NMBR: variants seen among roughly 807,000 people sequenced by gnomAD.
NMBR encodes neuromedin B receptor, also known as neuromedin-B receptor.
Under a neutral mutation model 20.5 loss-of-function variants are expected in NMBR, and 16 were observed. That is an observed-to-expected ratio of 0.78 (90% CI 0.53 to 1.19). The LOEUF (loss-of-function observed/expected upper bound fraction) is 1.19. Among genes scored for constraint, NMBR ranks in the 50% most tolerant of loss-of-function variants. The pLI, the probability that NMBR is intolerant of heterozygous loss-of-function variation, is 0.00. For synonymous variants in NMBR, 212 were observed against 196.6 expected (o/e 1.08, Z -0.65); for missense variants, 582 against 499.1 (o/e 1.17, Z -1.58).
intron 2 of NMBR, among the ~76,000 whole-genome samples, chr6:142,084,753 T>C (rs1777167689): frequency 6.6e-6 from 1 of 152,150 alleles, no homozygotes; most frequent in Non-Finnish European, 1.5e-5. Flanking sequence ...AGAAATAACA[T>C]TCCAAATTTG....
At chr6:142,109,530 A>C (rs565327983) in intron 1 of NMBR, among the ~76,000 whole-genome samples, 114 of 126,516 alleles carry the variant, frequency 9.0e-4, no homozygotes, top group African/African-American at 3.0e-3. Flanking sequence ...GCCAGGCAGG[A>C]GTGCAGTGGC....
chr6:142,098,095 A>C (rs1777494784), intron 1 of NMBR, among the ~76,000 whole-genome samples: 1 of 152,102 alleles, frequency 6.6e-6, no homozygotes, highest in Admixed American at 6.6e-5. Flanking sequence ...TCCAAAGGAC[A>C]GAAGAAAAAA....
intron 1 of NMBR, among the ~76,000 whole-genome samples, chr6:142,094,716 G>A (rs1777409503): frequency 1.3e-5 from 2 of 152,116 alleles, no homozygotes; most frequent in South Asian, 4.1e-4. Context: ...GATGGGGATG[G>A]CATTGAATCT....
intron 1 of NMBR, among the ~76,000 whole-genome samples, chr6:142,102,300 G>T (rs983866544): frequency 4.7e-5 from 7 of 150,220 alleles, no homozygotes; most frequent in Non-Finnish European, 8.9e-5. Context: ...TGAGGCAGGA[G>T]AATGGCATGA....
chr6:142,083,717 G>A (rs902762376), intron 2 of NMBR, among the ~76,000 whole-genome samples: 1 of 152,056 alleles, frequency 6.6e-6, no homozygotes, highest in Non-Finnish European at 1.5e-5. Flanking sequence ...GTGAAGACAT[G>A]CTTGCTTCCC....
At chr6:142,076,177 A>G (rs1286073139) in intron 3 of NMBR, 128 bp from the exon 4 acceptor site, 2 of 675,792 alleles carry the variant, frequency 3.0e-6, no homozygotes, top group African/African-American at 3.7e-5. Flanking sequence ...TAAATTATTT[A>G]TTTTCCTCAC....
intron 1 of NMBR, among the ~76,000 whole-genome samples, chr6:142,122,386 TATATCACCATACC>T (rs959973135): frequency 6.6e-6 from 1 of 151,922 alleles, no homozygotes; most frequent in Non-Finnish European, 1.5e-5. Context: ...TGCAAGATGG[TATATCACCATACC>T]ATATCATCAT....
At chr6:142,124,753 C>G (rs1195828242) in intron 1 of NMBR, among the ~76,000 whole-genome samples, 1 of 151,900 alleles carries the variant, frequency 6.6e-6, no homozygotes, top group Non-Finnish European at 1.5e-5. Flanking sequence ...ATAAGACCTT[C>G]AATTTAACCA....
intron 1 of NMBR, among the ~76,000 whole-genome samples, chr6:142,127,733 C>A (rs1296386009): frequency 6.7e-6 from 1 of 149,782 alleles, no homozygotes; most frequent in East Asian, 2.0e-4. Flanking sequence ...GTATTTTTTT[C>A]TTTTTATTGC....
intron 1 of NMBR, among the ~76,000 whole-genome samples, chr6:142,099,254 C>T (rs191554693): frequency 2.0e-5 from 3 of 152,186 alleles, no homozygotes; most frequent in South Asian, 2.1e-4. Context: ...TGTATTCGTT[C>T]GTTTTCACAC....
intron 2 of NMBR, among the ~76,000 whole-genome samples, chr6:142,082,668 C>T (rs1396101782): frequency 6.6e-6 from 1 of 152,150 alleles, no homozygotes; most frequent in African/African-American, 2.4e-5. Flanking sequence ...AGCATCTTTG[C>T]CACAGGCTTC....
chr6:142,123,477 T>C (rs1454192603), intron 1 of NMBR, among the ~76,000 whole-genome samples: 2 of 151,980 alleles, frequency 1.3e-5, no homozygotes, highest in Non-Finnish European at 2.9e-5. Context: ...TTGGCTCCAA[T>C]TTTGAAAGAA....
Position 142,078,788 on chromosome 6 carries a change from C to G in NMBR, c.538G>C (p.Val180Leu). ...VSVLLAVPEA[V>L]FSEVARISSL... ...CTGATGCGAGCCACTTCTGAAAACA[C>G]CGCTTCGGGAACTGCCAGCAACACG... Residue 180 changes from valine to leucine, a missense_variant, in exon 3 of 4, where the codon GTG (valine) becomes CTG (leucine). Physicochemically the swap from Val to Leu is conservative, Grantham distance 32 (BLOSUM62 1). Coordinates refer to ENST00000258042, the MANE Select transcript of NMBR (RefSeq NM_002511.4). The G allele has an allele frequency of 1.9e-6, 3 of 1,613,934 alleles. No individual in the cohort carries two copies. The highest frequency in any genetic ancestry group is 2.5e-6 in the Non-Finnish European group (3 of 1,179,994).
chr6:142,144,965 G>T (rs942811475), intron 1 of NMBR, among the ~76,000 whole-genome samples: 1 of 147,530 alleles, frequency 6.8e-6, no homozygotes, highest in African/African-American at 2.5e-5. Context: ...CAAGACTGCA[G>T]CGAGCTCTGA....
At chr6:142,134,054 T>C in intron 1 of NMBR, 1 of 665,464 alleles carries the variant, frequency 1.5e-6, no homozygotes, top group Non-Finnish European at 2.8e-6. Flanking sequence ...TGTGTGCACA[T>C]AAACATTAAC....
intron 1 of NMBR, among the ~76,000 whole-genome samples, chr6:142,130,448 C>A (rs1426294242): frequency 5.9e-5 from 9 of 152,028 alleles, no homozygotes; most frequent in Admixed American, 2.6e-4. Flanking sequence ...TGACTAATGA[C>A]TATCTCAATT....
At chr6:142,134,872 G>A (rs147153013) in intron 1 of NMBR, 47 of 623,038 alleles carry the variant, frequency 7.5e-5, no homozygotes, top group African/African-American at 6.5e-4. Flanking sequence ...ATTTGTTGCT[G>A]AGATTTTTGA....
In NMBR at chr6:142,075,511, A is replaced by G; in HGVS notation, c.*137T>C. 3.9e-6 allele frequency: 3 copies of G among 761,656 alleles called. No individual in the cohort carries two copies. Among genetic ancestry groups the G allele is most frequent in the Non-Finnish European group, 6.2e-6 (3 of 480,172 alleles). 47.2% of individuals were successfully genotyped at this position (761,656 alleles called of 1,614,324 possible). On this transcript the variant is annotated 3_prime_UTR_variant, in exon 4 of 4. Coordinates refer to ENST00000258042, the MANE Select transcript of NMBR (RefSeq NM_002511.4). The stretch of plus-strand genomic sequence containing the variant: ...AGAAAAAATAAAGTCTAGTGTAGAG[A>G]AAAAATGTCTTGCATTTTCTGAGTC...
chr6:142,131,472 C>T (rs537404885), intron 1 of NMBR, among the ~76,000 whole-genome samples: 42 of 152,268 alleles, frequency 2.8e-4, no homozygotes, highest in Non-Finnish European at 4.7e-4. Flanking sequence ...CATTGAGAAT[C>T]GCCCTTTTTC....
Sources: allele counts gnomAD v4.1 joint callset (sites outside exome capture counted in the v4.1 genomes callset), GRCh38; gene constraint gnomAD v4.1.1; transcripts MANE v1.5; gene names NCBI Gene and HGNC (gene_info 2026-07-23, HGNC 2026-07-21).